The following GNB1 variants were observed in gnomAD, a reference collection of about 807,000 sequenced individuals.
The protein encoded by GNB1 is G protein subunit beta 1.
A neutral mutation model predicts 42.9 loss-of-function variants in GNB1; 2 were observed. The observed-to-expected ratio is 0.05, with a 90% CI of 0.02 to 0.15. The LOEUF (loss-of-function observed/expected upper bound fraction) is 0.15. GNB1 is among the 10% of genes least tolerant of loss of function. The probability of loss-of-function intolerance (pLI) is 1.00; values close to 1 mark genes in which losing one functional copy is unlikely to be tolerated. For missense variants in GNB1, 193 were observed against 462.2 expected, an observed-to-expected ratio of 0.42 and a Z score of 5.34; for synonymous variants, 183 against 174.7, an observed-to-expected ratio of 1.05 and a Z score of -0.38.
chr1:1,814,077 TC>T (rs1570656662), intron 5 of GNB1, among the ~76,000 whole-genome samples: 1 of 152,228 alleles, frequency 6.6e-6, no homozygotes, highest in Admixed American at 6.5e-5. Context: ...TCTCCCCACT[TC>T]CCCACCCTCC....
intron 5 of GNB1, among the ~76,000 whole-genome samples, chr1:1,811,803 C>T (rs867813110): frequency 2.0e-5 from 3 of 152,064 alleles, no homozygotes; most frequent in African/African-American, 4.8e-5. Flanking sequence ...CAGTGGCTCA[C>T]GCCTGTAATC....
At chr1:1,802,419 A>C (rs186271354) in intron 7 of GNB1, among the ~76,000 whole-genome samples, 1 of 152,210 alleles carries the variant, frequency 6.6e-6, no homozygotes, top group Non-Finnish European at 1.5e-5. Context: ...TAAATAACCT[A>C]TAAGTCAAAT....
intron 1 of GNB1, among the ~76,000 whole-genome samples, chr1:1,858,194 T>G (rs997977549): frequency 4.6e-5 from 7 of 152,336 alleles, no homozygotes; most frequent in Middle Eastern, 3.4e-3. Flanking sequence ...CTGCCTACTA[T>G]GTCAAAAACA....
intron 3 of GNB1, among the ~76,000 whole-genome samples, chr1:1,820,840 T>A (rs923518197): frequency 6.6e-6 from 1 of 152,216 alleles, no homozygotes; most frequent in African/African-American, 2.4e-5. Flanking sequence ...CAATCTTTAT[T>A]TTAGCCAATA....
rs1329496508 is a variant in GNB1, at chr1:1,825,461, T to C, written c.-8A>G. On this transcript the variant is annotated 5_prime_UTR_variant, in exon 3 of 12. Coordinates refer to ENST00000378609, the MANE Select transcript of GNB1 (RefSeq NM_002074.5). Reference sequence around the variant, plus strand: ...CTGGTCAAGCTCACTCATCTTCCGATCTTAGTGCTCTTCAATGCCACCTTC... The same window carrying C: ...CTGGTCAAGCTCACTCATCTTCCGACCTTAGTGCTCTTCAATGCCACCTTC... 18 of 1,603,262 alleles carry C rather than the reference T, an allele frequency of 1.1e-5. No homozygotes were observed. Among genetic ancestry groups the C allele is most frequent in the Non-Finnish European group, 1.3e-5 (15 of 1,170,184 alleles).
At chr1:1,864,453 G>A (rs377132600) in intron 1 of GNB1, among the ~76,000 whole-genome samples, 1 of 151,690 alleles carries the variant, frequency 6.6e-6, no homozygotes, top group Non-Finnish European at 1.5e-5. Flanking sequence ...TAGTTAAAAC[G>A]GCCGCAATGA....
intron 10 of GNB1, chr1:1,788,835 C>T: frequency 1.9e-6 from 1 of 524,010 alleles, no homozygotes; most frequent in East Asian, 3.3e-5. Context: ...TCCCCAGAGC[C>T]CTCCCCGACG....
chr1:1,830,484 C>T (rs1405929645), intron 2 of GNB1, among the ~76,000 whole-genome samples: 2 of 150,522 alleles, frequency 1.3e-5, no homozygotes, highest in South Asian at 2.1e-4. Flanking sequence ...CTCCTGACCT[C>T]GTGATCCGCC....
chr1:1,838,497 T>C (rs967578781), intron 2 of GNB1, among the ~76,000 whole-genome samples: 9 of 150,786 alleles, frequency 6.0e-5, no homozygotes, highest in African/African-American at 2.2e-4. Context: ...CAGGCTGGAG[T>C]GCAGTGGTAT....
intron 1 of GNB1, among the ~76,000 whole-genome samples, chr1:1,853,393 G>A (rs1299267263): frequency 6.6e-6 from 1 of 152,158 alleles, no homozygotes; most frequent in Admixed American, 6.5e-5. Context: ...AGTAAGCCTA[G>A]AAAGGGCCAA....
In GNB1 at chr1:1,852,544, A is replaced by T. The variant is rs371206944; in HGVS notation, c.-95-13306T>A. Among the ~76,000 whole-genome samples, 257 of 151,984 alleles carry T rather than the reference A, an allele frequency of 1.7e-3. 2 individuals are homozygous for T. Among genetic ancestry groups the T allele is most frequent in the African/African-American group, 5.5e-3 (227 of 41,466 alleles). On this transcript the variant is annotated intron_variant, in intron 1 of 11. Transcript: ENST00000378609. ...GGCGCCCGGCCTCAAAATATTTTTT[A>T]AAAAAATTGGCATGGTGGTGCATAC...
At chr1:1,814,945 T>C (rs995426035) in intron 5 of GNB1, among the ~76,000 whole-genome samples, 3 of 151,506 alleles carry the variant, frequency 2.0e-5, no homozygotes, top group Non-Finnish European at 4.4e-5. Context: ...ACCCCATCTC[T>C]ACTAAAAATA....
Position 1,787,082 on chromosome 1 carries a change from G to A in GNB1, c.*10-29C>T, listed in dbSNP as rs1646416501. On this transcript the variant is annotated intron_variant, in intron 11 of 11. Transcript: ENST00000378609. This position sits in a 1 kb window ranked among gnomAD's most constrained non-coding sequence, Gnocchi z 4.4. ...TTTTAAACAGAGTTTAAAGAAATGT[G>A]AAAAGAGGCAGAGAATCTAAGTGCA... 2.7e-6 allele frequency: 1 copy of A among 374,264 alleles called. No individual in the cohort carries two copies. The highest frequency in any genetic ancestry group is 3.2e-5 in the South Asian group (1 of 30,772). The allele number at this position is 374,264 out of a possible 1,614,324, so 23.2% of individuals were successfully genotyped here. A position where few individuals can be genotyped will look rare whatever the true frequency, so the allele number is the denominator to read the frequency against.
In GNB1 at chr1:1,786,980, G is replaced by A. The variant is rs751409305; in HGVS notation, c.*83C>T. 83 of 173,588 alleles carry A rather than the reference G, an allele frequency of 4.8e-4. 1 individual carries two copies. Among genetic ancestry groups the A allele is most frequent in the Admixed American group, 9.5e-4 (15 of 15,858 alleles). 10.8% of individuals were successfully genotyped at this position (173,588 alleles called of 1,614,324 possible). On this transcript the variant is annotated 3_prime_UTR_variant, in exon 12 of 12. Coordinates refer to ENST00000378609, the MANE Select transcript of GNB1 (RefSeq NM_002074.5). ...AGGTGTAGGGTGTCCACGTTAGTAC[G>A]GTTGGATAGGATATGCTCTCATGGT... is the stretch of plus-strand genomic sequence containing the variant.
At chr1:1,849,834 A>G (rs147254075) in intron 1 of GNB1, among the ~76,000 whole-genome samples, 21 of 152,008 alleles carry the variant, frequency 1.4e-4, no homozygotes, top group East Asian at 1.2e-3. Context: ...AACTTCACAG[A>G]CCTCTGGTTT....
In GNB1 at chr1:1,785,718, T is replaced by C. The variant is rs1646396236; in HGVS notation, c.*1345A>G. 1 of 336,012 alleles carries C rather than the reference T, an allele frequency of 3.0e-6. No homozygotes were observed. 20.8% of individuals were successfully genotyped at this position (336,012 alleles called of 1,614,324 possible). ...TGTGGAGGGCCCTGAAGAATCCATA[T>C]AGGAGGGCAGGCTCTTCACTCCCTC... On this transcript the variant is annotated 3_prime_UTR_variant, in exon 12 of 12. Transcript: ENST00000378609.
At position 1,785,782 on chromosome 1, in the gene GNB1, C is replaced by A; in HGVS notation, c.*1281G>T. Reference sequence around the variant, plus strand: ...CTCCCTCCCCACCCTCAGAATCCAACAGCAGTCGTTTGCAACAGAACTTTT... The same window carrying A: ...CTCCCTCCCCACCCTCAGAATCCAAAAGCAGTCGTTTGCAACAGAACTTTT... On this transcript the variant is annotated 3_prime_UTR_variant, in exon 12 of 12. Transcript: ENST00000378609. The A allele has an allele frequency of 3.0e-6, 1 of 332,190 alleles. No individual in the cohort carries two copies. The highest frequency in any genetic ancestry group is 4.4e-5 in the East Asian group (1 of 22,884). 20.6% of individuals were successfully genotyped at this position (332,190 alleles called of 1,614,324 possible).
At chr1:1,889,112 C>G (rs566447181) in intron 1 of GNB1, among the ~76,000 whole-genome samples, 2 of 152,238 alleles carry the variant, frequency 1.3e-5, no homozygotes. Context: ...AAGACTATCA[C>G]TTCAGATTAG....
chr1:1,823,901 G>A (rs1016461632), intron 3 of GNB1, among the ~76,000 whole-genome samples: 7 of 152,078 alleles, frequency 4.6e-5, no homozygotes, highest in Non-Finnish European at 8.8e-5. Context: ...GTGTCACTTT[G>A]TCACCTAGGC....
Sources: gnomAD v4.1 joint callset for allele counts (sites outside exome capture counted in the v4.1 genomes callset) on GRCh38, gnomAD v4.1.1 for gene constraint, Gnocchi (gnomAD v3.1) non-coding constraint, MANE v1.5 for transcripts, NCBI Gene and HGNC (gene_info 2026-07-23, HGNC 2026-07-21) for gene names.